The following TEX11 variants were observed in gnomAD, a reference collection of about 807,000 sequenced individuals.
The protein encoded by TEX11 is testis expressed 11, also known as testis-expressed protein 11.
TEX11 carries 7 observed loss-of-function variants against 84.4 expected under a neutral mutation model. The ratio of observed to expected loss-of-function variants is 0.08; its 90% CI spans 0.05 to 0.16. The LOEUF (loss-of-function observed/expected upper bound fraction) is 0.16. Among genes scored for constraint, TEX11 ranks in the 10% least tolerant of loss-of-function variants. TEX11 has a pLI of 1.00. For synonymous variants in TEX11, 264 were observed against 222.8 expected, an observed-to-expected ratio of 1.18 and a Z score of -1.64; for missense variants, 551 against 660.5, an observed-to-expected ratio of 0.83 and a Z score of 1.82.
At chrX:70,776,156 A>G (rs2091001040) in intron 9 of TEX11, among the ~76,000 whole-genome samples, 3 of 111,296 alleles carry the variant, frequency 2.7e-5, no homozygotes, top group African/African-American at 9.8e-5. Context: ...GGGATACTTA[A>G]ACTTGCATGT....
At chrX:70,696,829 C>T (rs983575110) in intron 13 of TEX11, among the ~76,000 whole-genome samples, 1 of 111,922 alleles carries the variant, frequency 8.9e-6, no homozygotes, top group African/African-American at 3.2e-5. Context: ...CTTATTATTT[C>T]CCAATTTTGT....
intron 20 of TEX11, 80 bp from the exon 21 acceptor site, chrX:70,610,623 G>A: frequency 9.9e-7 from 1 of 1,007,846 alleles, no homozygotes; most frequent in South Asian, 2.3e-5. Flanking sequence ...CACTATTTGT[G>A]CCTGAGAATT....
intron 25 of TEX11, among the ~76,000 whole-genome samples, chrX:70,577,064 C>T (rs931450307): frequency 9.0e-6 from 1 of 111,710 alleles, no homozygotes; most frequent in African/African-American, 3.3e-5. Context: ...CAAGAACTCA[C>T]ATACACAACA....
chrX:70,549,682 C>A (rs978613886), intron 28 of TEX11, among the ~76,000 whole-genome samples: 3 of 111,798 alleles, frequency 2.7e-5, no homozygotes, highest in Non-Finnish European at 3.8e-5. Flanking sequence ...GACTCTTCTG[C>A]GTGTGGAAAG....
intron 9 of TEX11, among the ~76,000 whole-genome samples, chrX:70,765,788 G>A (rs745605496): frequency 8.9e-6 from 1 of 111,777 alleles, no homozygotes; most frequent in Non-Finnish European, 1.9e-5. Context: ...CTTAGCTAAA[G>A]CAATCAGAAA....
At chrX:70,879,411 A>G (rs1056318139) in intron 3 of TEX11, among the ~76,000 whole-genome samples, 1 of 111,407 alleles carries the variant, frequency 9.0e-6, no homozygotes, top group Non-Finnish European at 1.9e-5. Context: ...TCACCTTTCC[A>G]TACAAGTAGT....
intron 5 of TEX11, among the ~76,000 whole-genome samples, chrX:70,855,999 A>G (rs1316864129): frequency 8.9e-6 from 1 of 111,760 alleles, no homozygotes; most frequent in Non-Finnish European, 1.9e-5. Context: ...AAACCAATAC[A>G]GTGATACAAG....
chrX:70,713,801 C>T (rs1271874867), intron 13 of TEX11, among the ~76,000 whole-genome samples: 2 of 111,407 alleles, frequency 1.8e-5, no homozygotes, highest in African/African-American at 6.5e-5. Context: ...TTCAGTTCTG[C>T]TCTGATCTTA....
intron 13 of TEX11, among the ~76,000 whole-genome samples, chrX:70,711,840 T>C (rs1372403272): frequency 5.4e-5 from 6 of 111,658 alleles, no homozygotes; most frequent in Non-Finnish European, 1.1e-4. Flanking sequence ...TTGCTTTTGC[T>C]GTTTTAGACA....
At chrX:70,813,515 A>G (rs2091269425) in intron 8 of TEX11, among the ~76,000 whole-genome samples, 2 of 111,758 alleles carry the variant, frequency 1.8e-5, no homozygotes, top group Admixed American at 1.9e-4. Context: ...AAACACTGGA[A>G]GCATTCCCTT....
chrX:70,679,246 T>C (rs1257568438), intron 14 of TEX11, among the ~76,000 whole-genome samples: 1 of 111,968 alleles, frequency 8.9e-6, no homozygotes, highest in African/African-American at 3.2e-5. Context: ...CCGTGCTCAA[T>C]GGTGCCCAGG....
chrX:70,781,280 AG>A (rs1464709050), intron 9 of TEX11, among the ~76,000 whole-genome samples: 2 of 110,144 alleles, frequency 1.8e-5, no homozygotes, highest in Non-Finnish European at 3.8e-5. Context: ...ATCAACAAAA[AG>A]GACATCTACA....
At chrX:70,696,804 A>AC (rs771436625) in intron 13 of TEX11, among the ~76,000 whole-genome samples, 1 of 111,114 alleles carries the variant, frequency 9.0e-6, no homozygotes, top group Non-Finnish European at 1.9e-5. Flanking sequence ...CAACAAAAAA[A>AC]CCCCAAAATA....
chrX:70,771,445 T>C (rs936089163), intron 9 of TEX11, among the ~76,000 whole-genome samples: 2 of 112,236 alleles, frequency 1.8e-5, no homozygotes, highest in African/African-American at 6.5e-5. Flanking sequence ...TTGTCTCTAA[T>C]ATAACAGGAG....
At chrX:70,756,222 G>A (rs1199929430) in intron 9 of TEX11, among the ~76,000 whole-genome samples, 2 of 112,668 alleles carry the variant, frequency 1.8e-5, no homozygotes, top group African/African-American at 6.4e-5. Context: ...AGCTTTGGCA[G>A]ACCTAAACGT....
At chrX:70,782,303 G>T (rs1015512223) in intron 9 of TEX11, among the ~76,000 whole-genome samples, 4 of 111,101 alleles carry the variant, frequency 3.6e-5, no homozygotes, top group African/African-American at 1.3e-4. Flanking sequence ...TGCCTTACAA[G>T]AGCTCCTGAA....
intron 20 of TEX11, among the ~76,000 whole-genome samples, chrX:70,614,391 C>T (rs1475727615): frequency 9.0e-6 from 1 of 111,099 alleles, no homozygotes; most frequent in Non-Finnish European, 1.9e-5. Context: ...AAGTGAACAT[C>T]AGCGGTAGGC....
intron 9 of TEX11, among the ~76,000 whole-genome samples, chrX:70,787,117 A>G (rs1438014058): frequency 8.9e-6 from 1 of 111,797 alleles, no homozygotes; most frequent in Non-Finnish European, 1.9e-5. Context: ...CTGGGCAACA[A>G]AAGCAAAACT....
chrX:70,725,374 T>G, intron 11 of TEX11, 31 bp from the exon 12 acceptor site: 1 of 1,048,024 alleles, frequency 9.5e-7, no homozygotes, highest in Non-Finnish European at 1.3e-6. Flanking sequence ...ACAATGATAT[T>G]AAAATTGTGG....
Sources: allele counts gnomAD v4.1 joint callset (sites outside exome capture counted in the v4.1 genomes callset), GRCh38; gene constraint gnomAD v4.1.1; transcripts MANE v1.5; gene names NCBI Gene and HGNC (gene_info 2026-07-23, HGNC 2026-07-21).